Variants in GABRE observed in about 807,000 individuals in gnomAD.
GABRE encodes the protein gamma-aminobutyric acid type A receptor subunit epsilon, also known as gamma-aminobutyric acid receptor subunit epsilon.
In GABRE, 20 loss-of-function variants were observed where a neutral mutation model predicts 31.0. That is an observed-to-expected ratio of 0.64 (90% CI 0.45 to 0.94). The LOEUF is 0.94. GABRE is among the 40% of genes least tolerant of loss of function. The pLI is 0.00. For missense variants in GABRE, 420 were observed against 410.7 expected (o/e 1.02, Z -0.20); for synonymous variants, 155 against 150.6 (o/e 1.03, Z -0.21).
At chrX:151,974,415 G>C (rs1934830045) in intron 1 of GABRE, among the ~76,000 whole-genome samples, 155 bp downstream of exon 1, 1 of 111,450 alleles carries the variant, frequency 9.0e-6, no homozygotes, top group Non-Finnish European at 1.9e-5. Flanking sequence ...GCGCATCGAG[G>C]GGACGCGGGA....
At chrX:151,971,222 G>A (rs1432794697) in intron 1 of GABRE, 1 of 462,444 alleles carries the variant, frequency 2.2e-6, no homozygotes, top group Non-Finnish European at 3.4e-6. Context: ...CTCACATTCG[G>A]GTCCTTGATT....
At position 151,954,868 on chromosome X, in the gene GABRE, G is replaced by A. The variant is rs61730044; in HGVS notation, c.1354C>T (p.Arg452Cys). The A allele has an allele frequency of 3.3e-6, 4 of 1,211,701 alleles. No individual in the cohort carries two copies. Among genetic ancestry groups the A allele is most frequent in the Admixed American group, 4.3e-5 (2 of 46,058 alleles). ...ACCATGCAGAAGTACTTCTTAAAAC[G>A]CTTGCACCACTCACAGCAGGCCAGC... ...SKLACCEWCK[R>C]FKKYFCMVPD... Residue 452 changes from arginine to cysteine, a missense_variant, in exon 9 of 9, where the codon CGT becomes TGT. Transcript: ENST00000370328.
Position 151,954,812 on chromosome X carries a change from C to T in GABRE, c.1410G>A (p.Gln470=). The T allele has an allele frequency of 8.2e-7, 1 of 1,212,123 alleles. No individual in the cohort carries two copies. The highest frequency in any genetic ancestry group is 1.8e-5 in the South Asian group (1 of 57,023). Residue 470 remains glutamine, a synonymous_variant, in exon 9 of 9, where the codon CAG becomes CAA. Coordinates refer to ENST00000370328, the MANE Select transcript of GABRE (RefSeq NM_004961.4). ...GGTAGACATGGATGCAGAGGCGGCCCTGCTGCCAGGTACTGCCCTCACAAT... is the reference window on the plus strand; with the variant it reads ...GGTAGACATGGATGCAGAGGCGGCCTTGCTGCCAGGTACTGCCCTCACAAT... The part of the protein sequence containing the change: ...VPDCEGSTWQ[Q]GRLCIHVYRL...
chrX:151,959,490 C>T (rs1934285140), intron 6 of GABRE: 5 of 341,306 alleles, frequency 1.5e-5, no homozygotes, highest in African/African-American at 2.6e-5. Flanking sequence ...GGAGAACTCA[C>T]ACGAGCTCCA....
chrX:151,960,155 A>G (rs1338944723), intron 5 of GABRE, among the ~76,000 whole-genome samples, 179 bp from the exon 6 acceptor site: 1 of 112,167 alleles, frequency 8.9e-6, no homozygotes, highest in African/African-American at 3.2e-5. Flanking sequence ...TTTACTGAGC[A>G]TTCCTCAGTA....
In GABRE at chrX:151,954,777, T is replaced by C. The variant is rs758189080; in HGVS notation, c.1445A>G (p.Asn482Ser). 3 of 1,209,953 alleles carry C rather than the reference T, an allele frequency of 2.5e-6. No homozygotes were observed. The highest frequency in any genetic ancestry group is 1.7e-5 in the African/African-American group (1 of 57,249). ...CACTGGGAAAACAACTCTCGAGTAG[T>C]TATCCAGGCGGTAGACATGGATGCA... ...RLCIHVYRLD[N>S]YSRVVFPVTF... The change falls in exon 9 of 9, where the codon AAC becomes AGC. Residue 482 changes from asparagine to serine, a missense_variant. By Grantham distance (46) the Asn-to-Ser change is conservative (BLOSUM62 1). Coordinates refer to ENST00000370328, the MANE Select transcript of GABRE (RefSeq NM_004961.4).
intron 6 of GABRE, chrX:151,959,493 G>A (rs1450624334): frequency 1.2e-5 from 4 of 339,765 alleles, no homozygotes; most frequent in East Asian, 7.6e-5. Context: ...GAACTCACAC[G>A]AGCTCCATTC....
chrX:151,973,424 T>C, intron 1 of GABRE, among the ~76,000 whole-genome samples: 1 of 111,174 alleles, frequency 9.0e-6, no homozygotes, highest in Non-Finnish European at 1.9e-5. Context: ...TAGAAAGACA[T>C]TTATCAAGCT....
Position 151,967,457 on chromosome X carries a change from G to A in GABRE, c.342+2212C>T, listed in dbSNP as rs149847053. 3.1e-3 allele frequency among the ~76,000 whole-genome samples: 345 copies of A among 111,906 alleles called. 1 individual carries two copies. Among genetic ancestry groups the A allele is most frequent in the Non-Finnish European group, 5.3e-3 (280 of 53,194 alleles). ...CTCTCTGCCCAGCTAGAATAGCATC[G>A]TGAGCCACTTTCCCCACTCCTACAC... On this transcript the variant is annotated intron_variant, in intron 3 of 8. Coordinates refer to ENST00000370328, the MANE Select transcript of GABRE (RefSeq NM_004961.4).
chrX:151,955,249 C>A (rs754797164), intron 8 of GABRE, 119 bp downstream of exon 8: 155 of 1,193,895 alleles, frequency 1.3e-4, no homozygotes, highest in Non-Finnish European at 1.7e-4. Context: ...CCCGCCACCA[C>A]CCTGGGTAAC....
chrX:151,959,291 T>C (rs1934279905), intron 6 of GABRE: 1 of 242,707 alleles, frequency 4.1e-6, no homozygotes, highest in South Asian at 4.3e-5. Flanking sequence ...CATGAAGCCT[T>C]TGATAAGAAT....
At chrX:151,969,577 C>T (rs1042673975) in intron 3 of GABRE, 92 bp downstream of exon 3, 8 of 854,846 alleles carry the variant, frequency 9.4e-6, no homozygotes, top group Non-Finnish European at 1.3e-5. Context: ...GGAGTTGTTA[C>T]AGAAGTACAG....
intron 3 of GABRE, among the ~76,000 whole-genome samples, chrX:151,963,577 T>G (rs1934445346): frequency 8.9e-6 from 1 of 112,514 alleles, no homozygotes; most frequent in African/African-American, 3.2e-5. Context: ...CAGATCTTAC[T>G]GACATGGAGC....
intron 6 of GABRE, chrX:151,958,895 G>A: frequency 3.4e-6 from 1 of 296,574 alleles, no homozygotes; most frequent in Non-Finnish European, 6.7e-6. Context: ...AGCCACATGA[G>A]CATGAGCTTT....
chrX:151,974,104 G>A (rs1244381575), intron 1 of GABRE, among the ~76,000 whole-genome samples: 3 of 111,325 alleles, frequency 2.7e-5, no homozygotes, highest in African/African-American at 9.8e-5. Context: ...GAGAACACAC[G>A]AGGCAACACT....
rs1664659352 is a variant in GABRE, at chrX:151,955,791, T to C, written c.854A>G (p.Tyr285Cys). The change falls in exon 7 of 9, where the codon TAT becomes TGT. Residue 285 changes from tyrosine to cysteine, a missense_variant. Physicochemically the swap from Tyr to Cys is radical, Grantham distance 194. Coordinates refer to ENST00000370328, the MANE Select transcript of GABRE (RefSeq NM_004961.4). ...CATCGTGGTCACGGAAGAAGGGACA[T>C]AGTTTTGAAAGGCAACATAGCCAAA... Reference protein sequence around the residue: ...RRFGYVAFQNYVPSSVTTMLS... With the variant: ...RRFGYVAFQNCVPSSVTTMLS... 1.2e-5 allele frequency: 14 copies of C among 1,211,684 alleles called. No homozygotes were observed. Among genetic ancestry groups the C allele is most frequent in the Non-Finnish European group, 1.6e-5 (14 of 895,381 alleles).
rs900977122 is a variant in GABRE, at chrX:151,974,507, C to G, written c.56+63G>C. 6 of 780,883 alleles carry G rather than the reference C, an allele frequency of 7.7e-6. No individual in the cohort carries two copies. In the South Asian group the frequency reaches 1.6e-4, roughly 21 times the overall value. The allele number at this position is 780,883 out of a possible 1,213,427, so 64.4% of individuals were successfully genotyped here. On this transcript the variant is annotated intron_variant, in intron 1 of 8. Coordinates refer to ENST00000370328, the MANE Select transcript of GABRE (RefSeq NM_004961.4). ...GGGCCGCTGGGGTCCCGGGAGCCGT[C>G]CCGGCTCCCGGGGAGAGGGAGCTGG...
rs1934653869 is a variant in GABRE, at chrX:151,970,304, TCA to T, written c.153_154del (p.Glu52GlyfsTer6). On this transcript the variant is annotated frameshift_variant, in exon 2 of 9. Coordinates refer to ENST00000370328, the MANE Select transcript of GABRE (RefSeq NM_004961.4). LOFTEE classifies it high-confidence loss of function. ...CTCAGTCTCAGTTGACTTTGTTTCCTCAGAGAGGAGCTGATTTTCCAGAGGCT... is the reference window on the plus strand; with the variant it reads ...CTCAGTCTCAGTTGACTTTGTTTCCTGAGAGGAGCTGATTTTCCAGAGGCT... The T allele has an allele frequency of 8.3e-7, 1 of 1,210,541 alleles. No homozygotes were observed. The highest frequency in any genetic ancestry group is 1.1e-6 in the Non-Finnish European group (1 of 895,436).
chrX:151,959,017 T>C (rs1323286735), intron 6 of GABRE: 2 of 328,954 alleles, frequency 6.1e-6, no homozygotes, highest in Admixed American at 6.2e-5. Context: ...GGTGACTGGC[T>C]CCATCCACAT....
Sources: allele counts gnomAD v4.1 joint callset (sites outside exome capture counted in the v4.1 genomes callset), GRCh38; gene constraint gnomAD v4.1.1; transcripts MANE v1.5; gene names NCBI Gene and HGNC (gene_info 2026-07-23, HGNC 2026-07-21).